Variants in SLC35F4 observed in about 807,000 individuals in gnomAD.
The protein encoded by SLC35F4 is chromosome 14 open reading frame 36.
A neutral mutation model predicts 44.2 loss-of-function variants in SLC35F4; 24 were observed. That is an observed-to-expected ratio of 0.54 (90% CI 0.39 to 0.76). The LOEUF (loss-of-function observed/expected upper bound fraction) is 0.76. SLC35F4 is among the 30% of genes least tolerant of loss of function. SLC35F4 has a pLI of 0.00. For synonymous variants in SLC35F4, 238 were observed against 223.6 expected (o/e 1.06, Z -0.57); for missense variants, 562 against 586.1 (o/e 0.96, Z 0.42).
rs370720375 is a variant in SLC35F4 at position 57,904,300 on chromosome 14, T to C, written n.282+77613A>G. On this transcript the variant is annotated intron_variant and non_coding_transcript_variant, in intron 1 of 1. Coordinates refer to the SLC35F4 transcript ENST00000556568. ...AACAACCAAAACAACCATAACCCTC[T>C]CTCCTGCTCGGTCTGTTGAGAAAGT... 2.2e-4 allele frequency among the ~76,000 whole-genome samples: 33 copies of C among 152,308 alleles called. No homozygotes were observed. The East Asian group carries it at 5.0e-3, about 23-fold the overall frequency.
At chr14:57,854,600 T>C (rs1886902248) in intron 1 of SLC35F4, among the ~76,000 whole-genome samples, 1 of 152,180 alleles carries the variant, frequency 6.6e-6, no homozygotes, top group Non-Finnish European at 1.5e-5. Flanking sequence ...CTATCCATCT[T>C]CAGCTGAGAT....
chr14:57,752,295 C>T (rs775266348), intron 1 of SLC35F4, among the ~76,000 whole-genome samples: 1 of 152,088 alleles, frequency 6.6e-6, no homozygotes, highest in Non-Finnish European at 1.5e-5. Context: ...TCTAAGGTGT[C>T]ACTTGAACTT....
At chr14:57,958,202 C>T (rs773722778) in intron 1 of SLC35F4, among the ~76,000 whole-genome samples, 3 of 152,028 alleles carry the variant, frequency 2.0e-5, no homozygotes, top group Admixed American at 6.6e-5. Flanking sequence ...GGACTACAGG[C>T]GCCCGCCACC....
intron 2 of SLC35F4, 95 bp downstream of exon 2, chr14:57,593,844 G>C: frequency 7.4e-7 from 1 of 1,351,892 alleles, no homozygotes; most frequent in Non-Finnish European, 1.0e-6. Context: ...ATAAGAGTCC[G>C]TGTAACATCT....
intron 1 of SLC35F4, among the ~76,000 whole-genome samples, chr14:57,811,372 C>T (rs1448205542): frequency 6.6e-6 from 1 of 152,084 alleles, no homozygotes; most frequent in Non-Finnish European, 1.5e-5. Context: ...GTAGGTATGG[C>T]AGAGGTATTA....
chr14:57,741,242 C>T (rs566508662), intron 1 of SLC35F4, among the ~76,000 whole-genome samples: 3 of 152,292 alleles, frequency 2.0e-5, no homozygotes, highest in East Asian at 1.9e-4. Context: ...ATGACTTTGA[C>T]GAGTTGAGAG....
At chr14:57,634,838 G>A (rs1253636765) in intron 1 of SLC35F4, among the ~76,000 whole-genome samples, 2 of 152,178 alleles carry the variant, frequency 1.3e-5, no homozygotes, top group Non-Finnish European at 2.9e-5. Flanking sequence ...GAATGGTGAA[G>A]TGGAGATGAA....
At chr14:57,727,252 T>A (rs1241081300) in intron 1 of SLC35F4, among the ~76,000 whole-genome samples, 2 of 152,076 alleles carry the variant, frequency 1.3e-5, no homozygotes, top group Non-Finnish European at 1.5e-5. Flanking sequence ...TTCTGTGATA[T>A]AAGTTGTAAT....
chr14:57,619,227 C>T (rs2072038629), intron 1 of SLC35F4, among the ~76,000 whole-genome samples: 2 of 152,170 alleles, frequency 1.3e-5, no homozygotes, highest in African/African-American at 2.4e-5. Context: ...GAGTCCCTGA[C>T]CCCATTTATC....
intron 1 of SLC35F4, among the ~76,000 whole-genome samples, chr14:57,666,285 A>G (rs2074305579): frequency 6.6e-6 from 1 of 152,226 alleles, no homozygotes; most frequent in South Asian, 2.1e-4. Flanking sequence ...GGTTCCAAAT[A>G]ATCAAATACT....
intron 1 of SLC35F4, among the ~76,000 whole-genome samples, chr14:57,876,360 C>T (rs1888399460): frequency 1.3e-5 from 2 of 152,158 alleles, no homozygotes; most frequent in South Asian, 4.1e-4. Context: ...TATATTTCTA[C>T]TTTCTTAGGG....
chr14:57,791,054 C>T (rs2077904943), intron 1 of SLC35F4, among the ~76,000 whole-genome samples: 1 of 152,142 alleles, frequency 6.6e-6, no homozygotes, highest in African/African-American at 2.4e-5. Context: ...TAGGCAATAC[C>T]ATTCAGGACA....
At chr14:57,834,653 T>G (rs187915319) in intron 1 of SLC35F4, among the ~76,000 whole-genome samples, 71 of 152,338 alleles carry the variant, frequency 4.7e-4, no homozygotes, top group Admixed American at 1.7e-3. Flanking sequence ...AGTCCCAGTA[T>G]GATGAAAGAA....
Position 57,575,727 on chromosome 14 carries a change from A to G in SLC35F4, c.808-3708T>C, listed in dbSNP as rs142993664. On this transcript the variant is annotated intron_variant, in intron 4 of 7. Transcript: ENST00000556826. ...AGTGGCATGGCCTCGTGAGCCAGCT[A>G]TCTTCCTCTGCAGGCTGGGGCCCTC... Among the ~76,000 whole-genome samples, 10 of 152,162 alleles carry G rather than the reference A, an allele frequency of 6.6e-5. No individual in the cohort carries two copies. The South Asian group carries it at 8.3e-4, about 13-fold the overall frequency.
intron 1 of SLC35F4, among the ~76,000 whole-genome samples, chr14:57,951,287 C>G (rs1231122967): frequency 1.3e-5 from 2 of 152,166 alleles, no homozygotes; most frequent in African/African-American, 4.8e-5. Flanking sequence ...GTCTTCACAA[C>G]CTGCAGACCA....
chr14:57,648,152 A>C (rs1471540281), intron 1 of SLC35F4, among the ~76,000 whole-genome samples: 2 of 152,196 alleles, frequency 1.3e-5, no homozygotes, highest in Admixed American at 1.3e-4. Context: ...AGGTGTCAAA[A>C]TCTTGGAAAA....
chr14:57,589,395 C>T lies in SLC35F4; in HGVS notation c.408G>A (p.Leu136=). 6.2e-7 allele frequency: 1 copy of T among 1,613,928 alleles called. No homozygotes were observed. The highest frequency in any genetic ancestry group is 8.5e-7 in the Non-Finnish European group (1 of 1,179,876). Residue 136 remains leucine, a synonymous_variant, in exon 3 of 8, where the codon TTG becomes TTA. Transcript: ENST00000556826. ...LKGIWGLLII[L]SVSSSWVGTT... Reference sequence around the variant, plus strand: ...TTCCAACCCAAGATGATGATACTGACAAGATGATCAAGAGTCCCCAGATGC... The same window carrying T: ...TTCCAACCCAAGATGATGATACTGATAAGATGATCAAGAGTCCCCAGATGC...
intron 1 of SLC35F4, among the ~76,000 whole-genome samples, chr14:57,901,890 C>T (rs1004030994): frequency 6.6e-6 from 1 of 152,082 alleles, no homozygotes; most frequent in Non-Finnish European, 1.5e-5. Context: ...TGATAAGATG[C>T]AAAGCCAGAA....
intron 1 of SLC35F4, among the ~76,000 whole-genome samples, chr14:57,610,084 G>A: frequency 6.6e-6 from 1 of 152,130 alleles, no homozygotes; most frequent in African/African-American, 2.4e-5. Context: ...GAGGAGTTTT[G>A]GCAACTCTTA....
Sources: allele counts gnomAD v4.1 joint callset (sites outside exome capture counted in the v4.1 genomes callset), GRCh38; gene constraint gnomAD v4.1.1; transcripts MANE v1.5; gene names NCBI Gene and HGNC (gene_info 2026-07-23, HGNC 2026-07-21).